Variants in ROR1 observed in about 807,000 individuals in gnomAD.
ROR1 encodes inactive tyrosine-protein kinase transmembrane receptor ROR1.
Under a neutral mutation model 78.8 loss-of-function variants are expected in ROR1, and 19 were observed. The observed-to-expected ratio is 0.24, with a 90% CI of 0.17 to 0.35. ROR1 has a LOEUF of 0.35. ROR1 is among the 10% of genes least tolerant of loss of function. The probability of loss-of-function intolerance (pLI) is 1.00; values close to 1 mark genes in which losing one functional copy is unlikely to be tolerated. For missense variants in ROR1, 917 were observed against 1,177.8 expected (o/e 0.78, Z 3.24); for synonymous variants, 386 against 433.6 (o/e 0.89, Z 1.36).
chr1:64,075,483 GT>G (rs1647041753), intron 4 of ROR1, among the ~76,000 whole-genome samples: 1 of 152,180 alleles, frequency 6.6e-6, no homozygotes, highest in Non-Finnish European at 1.5e-5. Flanking sequence ...AGGTTTAAGA[GT>G]GATAATTCAT....
chr1:64,092,199 G>A (rs1347111216), intron 4 of ROR1, among the ~76,000 whole-genome samples: 2 of 141,482 alleles, frequency 1.4e-5, no homozygotes, highest in East Asian at 4.4e-4. Flanking sequence ...CTTTAGACAA[G>A]CAAAGAAAGA....
At chr1:64,095,491 T>C (rs773432014) in intron 4 of ROR1, among the ~76,000 whole-genome samples, 15 of 152,162 alleles carry the variant, frequency 9.9e-5, no homozygotes, top group Non-Finnish European at 2.1e-4. Flanking sequence ...CCATTTGTGA[T>C]AGAAATCAAA....
chr1:63,905,623 G>A lies in ROR1; in HGVS notation c.92-103682G>A, dbSNP rs565285341. Among the ~76,000 whole-genome samples, 7 of 152,314 alleles carry A rather than the reference G, an allele frequency of 4.6e-5. No individual in the cohort carries two copies. The South Asian group carries it at 6.2e-4, about 14-fold the overall frequency. On this transcript the variant is annotated intron_variant, in intron 1 of 8. Coordinates refer to ENST00000371079, the MANE Select transcript of ROR1 (RefSeq NM_005012.4). ...AGTTAAGTTGAGGATGGAAAAAGCT[G>A]TCACAAGATATCTATAATCTGTTGT...
intron 1 of ROR1, among the ~76,000 whole-genome samples, chr1:63,775,130 G>A (rs968829089): frequency 2.0e-5 from 3 of 152,182 alleles, no homozygotes; most frequent in Admixed American, 1.3e-4. Flanking sequence ...TGCAAAATGT[G>A]CTGTCAGAGG....
intron 2 of ROR1, among the ~76,000 whole-genome samples, chr1:64,023,759 C>T (rs1425074945): frequency 2.0e-5 from 3 of 152,170 alleles, no homozygotes; most frequent in Non-Finnish European, 4.4e-5. Context: ...AATTCGCAAG[C>T]ATCTTTCTGT....
At chr1:64,017,722 A>T (rs1471304254) in intron 2 of ROR1, among the ~76,000 whole-genome samples, 2 of 152,188 alleles carry the variant, frequency 1.3e-5, no homozygotes, top group Non-Finnish European at 2.9e-5. Flanking sequence ...GGTGCTCTGC[A>T]GATGGCTGTG....
chr1:64,143,635 G>A lies in ROR1; in HGVS notation c.1174+985G>A, dbSNP rs114896920. On this transcript the variant is annotated intron_variant, in intron 7 of 8. Coordinates refer to ENST00000371079, the MANE Select transcript of ROR1 (RefSeq NM_005012.4). ...TTCAAGCCATTCATTCAGAATATTTGTTGAGTACCTACTAAGTGCCAAGTA... is the reference window on the plus strand; with the variant it reads ...TTCAAGCCATTCATTCAGAATATTTATTGAGTACCTACTAAGTGCCAAGTA... Among the ~76,000 whole-genome samples, 381 of 152,300 alleles carry A rather than the reference G, an allele frequency of 2.5e-3. 1 individual carries two copies. Among genetic ancestry groups the A allele is most frequent in the African/African-American group, 7.1e-3 (293 of 41,550 alleles).
chr1:64,076,854 ATT>A (rs1431499917), intron 4 of ROR1, among the ~76,000 whole-genome samples: 2 of 152,186 alleles, frequency 1.3e-5, no homozygotes, highest in Non-Finnish European at 2.9e-5. Context: ...TTACAGCAGT[ATT>A]TTTTATATTA....
At chr1:63,884,737 A>G (rs1035719288) in intron 1 of ROR1, among the ~76,000 whole-genome samples, 1 of 152,180 alleles carries the variant, frequency 6.6e-6, no homozygotes, top group Non-Finnish European at 1.5e-5. Context: ...GGATTATACA[A>G]ATTAACTCAA....
chr1:63,818,640 T>C (rs1430243240), intron 1 of ROR1, among the ~76,000 whole-genome samples: 2 of 152,196 alleles, frequency 1.3e-5, no homozygotes, highest in African/African-American at 4.8e-5. Context: ...AAATTGTTCT[T>C]ATGTTTAGGT....
At chr1:64,138,831 G>A (rs568040075) in intron 5 of ROR1, among the ~76,000 whole-genome samples, 36 of 152,220 alleles carry the variant, frequency 2.4e-4, no homozygotes, top group African/African-American at 8.7e-4. Context: ...ATGTAAGAAT[G>A]CCTTAATGTA....
chr1:63,868,370 C>T (rs1645230032), intron 1 of ROR1, among the ~76,000 whole-genome samples: 1 of 152,064 alleles, frequency 6.6e-6, no homozygotes, highest in Non-Finnish European at 1.5e-5. Flanking sequence ...ATCTTGTCAC[C>T]TAGTAAGAGA....
At chr1:63,940,287 A>C (rs1645826057) in intron 1 of ROR1, among the ~76,000 whole-genome samples, 1 of 152,192 alleles carries the variant, frequency 6.6e-6, no homozygotes, top group Admixed American at 6.5e-5. Context: ...GTTGTACCAG[A>C]AAGTATACAA....
rs551065537 is a variant in ROR1, at chr1:63,940,467, A to G, written c.92-68838A>G. Among the ~76,000 whole-genome samples, 11 of 147,736 alleles carry G rather than the reference A, an allele frequency of 7.4e-5. No individual in the cohort carries two copies. The South Asian group carries it at 2.5e-3, about 33-fold the overall frequency. On this transcript the variant is annotated intron_variant, in intron 1 of 8. Transcript: ENST00000371079. ...TTCGGTGACAGGTAGGTAAGTACGT[A>G]GATAGATAGATAGACAGATAGATAG...
intron 1 of ROR1, among the ~76,000 whole-genome samples, chr1:63,899,538 A>G (rs1645468345): frequency 6.6e-6 from 1 of 152,112 alleles, no homozygotes; most frequent in African/African-American, 2.4e-5. Flanking sequence ...GCTGCCTGGC[A>G]TCAGTCTGAA....
At chr1:63,882,177 G>A (rs80023247) in intron 1 of ROR1, among the ~76,000 whole-genome samples, 1,858 of 152,246 alleles carry the variant, frequency 0.012, 43 homozygotes, top group African/African-American at 0.043. Context: ...AAGCAAAGTT[G>A]GACCTGGAAG....
intron 1 of ROR1, among the ~76,000 whole-genome samples, chr1:63,827,926 G>A (rs1644965523): frequency 6.6e-6 from 1 of 152,080 alleles, no homozygotes; most frequent in African/African-American, 2.4e-5. Context: ...TTAGCTTCAG[G>A]CTCCCAGCCA....
chr1:64,119,442 T>C (rs4915944), intron 4 of ROR1, among the ~76,000 whole-genome samples: 50,625 of 151,826 alleles, frequency 0.33, 9,171 homozygotes, highest in African/African-American at 0.43. Context: ...AGTTCCAGAC[T>C]GGCCTGGCCA....
At chr1:63,919,709 A>T (rs974153816) in intron 1 of ROR1, among the ~76,000 whole-genome samples, 1 of 151,966 alleles carries the variant, frequency 6.6e-6, no homozygotes, top group African/African-American at 2.4e-5. Context: ...TCTTTGTTCA[A>T]TTGGGGATCA....
Sources: allele counts gnomAD v4.1 joint callset (sites outside exome capture counted in the v4.1 genomes callset), GRCh38; gene constraint gnomAD v4.1.1; transcripts MANE v1.5; gene names NCBI Gene and HGNC (gene_info 2026-07-23, HGNC 2026-07-21).